The following RYR3 variants were observed in gnomAD, a reference collection of about 807,000 sequenced individuals.
The protein encoded by RYR3 is brain ryanodine receptor-calcium release channel.
In RYR3, 207 loss-of-function variants were observed where a neutral mutation model predicts 584.3. The ratio of observed to expected loss-of-function variants is 0.35; its 90% CI spans 0.32 to 0.40. RYR3 has a LOEUF of 0.40. Among genes scored for constraint, RYR3 ranks in the 10% least tolerant of loss-of-function variants. The pLI, the probability that RYR3 is intolerant of heterozygous loss-of-function variation, is 1.00. For missense variants in RYR3, 5,616 were observed against 6,089.2 expected (o/e 0.92, Z 2.59); for synonymous variants, 2,416 against 2,248.5 (o/e 1.07, Z -2.11).
At chr15:33,720,706 A>T (rs2067841903) in intron 43 of RYR3, among the ~76,000 whole-genome samples, 1 of 152,194 alleles carries the variant, frequency 6.6e-6, no homozygotes. Flanking sequence ...TTTACAAAAA[A>T]GTACAACAAC....
intron 1 of RYR3, among the ~76,000 whole-genome samples, chr15:33,458,189 G>C (rs2047719815): frequency 6.6e-6 from 1 of 152,084 alleles, no homozygotes; most frequent in Admixed American, 6.5e-5. Context: ...TGGTTGCCAG[G>C]GGCTGGGTAG....
At chr15:33,776,755 T>C (rs1172764438) in intron 64 of RYR3, among the ~76,000 whole-genome samples, 1 of 152,130 alleles carries the variant, frequency 6.6e-6, no homozygotes, top group Non-Finnish European at 1.5e-5. Context: ...GTGCAAGATA[T>C]TATTATTATT....
chr15:33,428,593 GT>G (rs893935336), intron 1 of RYR3, among the ~76,000 whole-genome samples: 57 of 151,402 alleles, frequency 3.8e-4, no homozygotes, highest in Admixed American at 1.1e-3. Flanking sequence ...TTTATTCAGA[GT>G]TTTTTTTTCT....
intron 2 of RYR3, among the ~76,000 whole-genome samples, chr15:33,481,850 T>C (rs1315281296): frequency 6.6e-6 from 1 of 151,800 alleles, no homozygotes; most frequent in African/African-American, 2.4e-5. Flanking sequence ...ACAGTTTTCC[T>C]TGCATTCATA....
rs1192970181 is a variant in RYR3, at chr15:33,826,277, T to A, written c.11164+8T>A. ...TCATTGTTCGGGAACGTGGTAAGTT[T>A]CAGTTTCTGGCCTGAGTTCCTACCG... On this transcript the variant is annotated splice_region_variant and intron_variant, in intron 83 of 103. Transcript: ENST00000634891. 1 of 1,613,660 alleles carries A rather than the reference T, an allele frequency of 6.2e-7. No individual in the cohort carries two copies. Among genetic ancestry groups the A allele is most frequent in the East Asian group, 2.2e-5 (1 of 44,892 alleles).
At chr15:33,578,207 C>A (rs918119463) in intron 12 of RYR3, among the ~76,000 whole-genome samples, 1 of 152,158 alleles carries the variant, frequency 6.6e-6, no homozygotes, top group Non-Finnish European at 1.5e-5. Context: ...AGCAATTCCT[C>A]AAATACCTAG....
At chr15:33,597,542 C>T (rs192706669) in intron 16 of RYR3, among the ~76,000 whole-genome samples, 1,639 of 149,456 alleles carry the variant, frequency 0.011, 35 homozygotes, top group African/African-American at 0.038. Context: ...ACCCGGGAGG[C>T]GGAGGTTGCA....
chr15:33,345,170 G>A (rs1459388596), intron 1 of RYR3, among the ~76,000 whole-genome samples: 1 of 151,920 alleles, frequency 6.6e-6, no homozygotes, highest in Non-Finnish European at 1.5e-5. Context: ...ACAAACTCAG[G>A]AAAAAGAAGA....
At chr15:33,781,860 G>A (rs1390073092) in intron 65 of RYR3, among the ~76,000 whole-genome samples, 11 of 124,836 alleles carry the variant, frequency 8.8e-5, no homozygotes, top group African/African-American at 1.8e-4. Flanking sequence ...AAAAAAAAAA[G>A]GGGGGGGGGA....
intron 43 of RYR3, among the ~76,000 whole-genome samples, chr15:33,713,616 A>G (rs955495886): frequency 1.3e-5 from 2 of 152,210 alleles, no homozygotes; most frequent in Non-Finnish European, 2.9e-5. Context: ...CTTTAATTAT[A>G]CGACAATCCA....
intron 3 of RYR3, among the ~76,000 whole-genome samples, chr15:33,515,721 C>T (rs2053454646): frequency 6.6e-6 from 1 of 152,198 alleles, no homozygotes; most frequent in South Asian, 2.1e-4. Context: ...CCAATTCAAA[C>T]TGGTTTATTG....
intron 38 of RYR3, 64 bp downstream of exon 38, chr15:33,670,620 T>C (rs1018115469): frequency 2.0e-6 from 3 of 1,472,700 alleles, no homozygotes; most frequent in Non-Finnish European, 2.7e-6. Flanking sequence ...TAACTTTTTT[T>C]AAACAAATAC....
chr15:33,541,183 T>G (rs1345265572), intron 7 of RYR3, among the ~76,000 whole-genome samples: 2 of 152,148 alleles, frequency 1.3e-5, no homozygotes, highest in Non-Finnish European at 2.9e-5. Context: ...TCCCTGAGTT[T>G]CCACAATTTT....
chr15:33,373,975 T>G (rs930176084), intron 1 of RYR3, among the ~76,000 whole-genome samples: 5 of 152,192 alleles, frequency 3.3e-5, no homozygotes, highest in African/African-American at 1.2e-4. Flanking sequence ...AAAGAAATCT[T>G]ATTTTAGGTG....
At chr15:33,650,663 C>A (rs115176253) in intron 31 of RYR3, among the ~76,000 whole-genome samples, 1 of 152,130 alleles carries the variant, frequency 6.6e-6, no homozygotes, top group East Asian at 1.9e-4. Flanking sequence ...TACCAAAATC[C>A]GCTCATACTC....
At chr15:33,389,810 C>G (rs2041878129) in intron 1 of RYR3, among the ~76,000 whole-genome samples, 1 of 152,124 alleles carries the variant, frequency 6.6e-6, no homozygotes, top group African/African-American at 2.4e-5. Flanking sequence ...CTTTTCACTG[C>G]TTTTTCAAGG....
chr15:33,701,482 G>C (rs1444329318), intron 42 of RYR3, among the ~76,000 whole-genome samples: 3 of 152,176 alleles, frequency 2.0e-5, no homozygotes, highest in Non-Finnish European at 4.4e-5. Context: ...GAGACAAACT[G>C]AGCTGCCCTC....
intron 21 of RYR3, among the ~76,000 whole-genome samples, chr15:33,628,976 T>C (rs565283743): frequency 1.3e-5 from 2 of 152,310 alleles, no homozygotes; most frequent in East Asian, 3.9e-4. Context: ...TCAGAGAGAA[T>C]GTAAATTGAC....
chr15:33,777,799 A>C, intron 64 of RYR3, among the ~76,000 whole-genome samples: 1 of 152,212 alleles, frequency 6.6e-6, no homozygotes, highest in South Asian at 2.1e-4. Context: ...AAAAAAAAAA[A>C]AAAGAGAAGA....
Sources: gnomAD v4.1 joint callset for allele counts (sites outside exome capture counted in the v4.1 genomes callset) on GRCh38, gnomAD v4.1.1 for gene constraint, MANE v1.5 for transcripts, NCBI Gene and HGNC (gene_info 2026-07-23, HGNC 2026-07-21) for gene names.